Variants in EDA observed in about 807,000 individuals in gnomAD.
EDA encodes the protein ectodysplasin A.
Under a neutral mutation model 23.6 loss-of-function variants are expected in EDA, and 2 were observed. The ratio of observed to expected loss-of-function variants is 0.08; its 90% CI spans 0.03 to 0.27. The LOEUF is 0.27. Ranked by LOEUF, EDA falls within the 10% of genes least tolerant of loss-of-function variation. The pLI is 1.00. For synonymous variants in EDA, 131 were observed against 132.0 expected (o/e 0.99, Z 0.05); for missense variants, 229 against 324.2 (o/e 0.71, Z 2.26).
intron 1 of EDA, among the ~76,000 whole-genome samples, chrX:69,747,450 C>T (rs989358028): frequency 8.9e-6 from 1 of 112,473 alleles, no homozygotes; most frequent in Non-Finnish European, 1.9e-5. Context: ...AAGCCATGTA[C>T]AAGGAATGTG....
chrX:69,828,445 T>A (rs1792713957), intron 1 of EDA, among the ~76,000 whole-genome samples: 1 of 111,980 alleles, frequency 8.9e-6, no homozygotes, highest in African/African-American at 3.2e-5. Context: ...AGTATTCGGG[T>A]GGGAGTGACC....
intron 1 of EDA, among the ~76,000 whole-genome samples, chrX:69,891,847 C>T (rs1476139390): frequency 2.7e-5 from 3 of 110,766 alleles, no homozygotes; most frequent in African/African-American, 9.9e-5. Flanking sequence ...ATGATCTGTG[C>T]AGCAAACCAC....
chrX:70,022,133 A>G (rs1400018446), intron 2 of EDA, among the ~76,000 whole-genome samples: 1 of 106,229 alleles, frequency 9.4e-6, no homozygotes, highest in Non-Finnish European at 2.0e-5. Context: ...CCTAGAAGGG[A>G]AAAAAAAAAT....
intron 1 of EDA, among the ~76,000 whole-genome samples, chrX:69,919,993 T>G (rs1326599243): frequency 9.0e-6 from 1 of 111,198 alleles, no homozygotes; most frequent in East Asian, 2.8e-4. Context: ...GATAAGATTT[T>G]GCATGTCACT....
chrX:69,929,704 TTTTGTGTGTGTGTGTG>T (rs1370938758), intron 1 of EDA, among the ~76,000 whole-genome samples: 5 of 64,394 alleles, frequency 7.8e-5, no homozygotes, highest in South Asian at 1.0e-3. Flanking sequence ...TTCATTCTAT[TTTTGTGTGTGTGTGTG>T]TGTGTGTGTG....
At chrX:70,033,637 T>C (rs2020228940) in intron 7 of EDA, 109 bp downstream of exon 7, 3 of 957,202 alleles carry the variant, frequency 3.1e-6, no homozygotes, top group Non-Finnish European at 2.9e-6. Context: ...GCTAACTTCC[T>C]GCTTTGGGTG....
At chrX:69,632,841 G>C (rs188684568) in intron 1 of EDA, among the ~76,000 whole-genome samples, 1 of 111,537 alleles carries the variant, frequency 9.0e-6, no homozygotes, top group Admixed American at 9.5e-5. Flanking sequence ...TCTTCTCCCC[G>C]CTTACTATCT....
chrX:69,973,175 C>T (rs1188646975), intron 2 of EDA, among the ~76,000 whole-genome samples: 1 of 111,296 alleles, frequency 9.0e-6, no homozygotes, highest in African/African-American at 3.3e-5. Context: ...AAGCTCTTCT[C>T]TTGCCTTCCC....
At chrX:69,945,628 G>T (rs914799967) in intron 1 of EDA, among the ~76,000 whole-genome samples, 5 of 111,302 alleles carry the variant, frequency 4.5e-5, no homozygotes, top group Non-Finnish European at 9.4e-5. Flanking sequence ...TAATGAATAG[G>T]GTATTTTGCT....
At chrX:69,633,909 T>C (rs778934528) in intron 1 of EDA, among the ~76,000 whole-genome samples, 2 of 112,339 alleles carry the variant, frequency 1.8e-5, no homozygotes, top group Non-Finnish European at 3.8e-5. Context: ...CTATGTTAAT[T>C]CTATGTTTAA....
At chrX:69,650,262 G>A (rs780648669) in intron 1 of EDA, among the ~76,000 whole-genome samples, 12 of 112,065 alleles carry the variant, frequency 1.1e-4, no homozygotes, top group African/African-American at 3.2e-4. Flanking sequence ...TTTATGCCAC[G>A]TATGGTATAT....
chrX:69,678,858 A>G (rs1401629912), intron 1 of EDA, among the ~76,000 whole-genome samples: 2 of 85,080 alleles, frequency 2.4e-5, no homozygotes, highest in African/African-American at 9.7e-5. Flanking sequence ...TTCCAACACT[A>G]TGTTGAATAG....
intron 1 of EDA, among the ~76,000 whole-genome samples, chrX:69,759,838 G>A (rs1040994250): frequency 9.1e-6 from 1 of 110,011 alleles, no homozygotes; most frequent in East Asian, 2.9e-4. Flanking sequence ...GAGAGGGCTG[G>A]ATAGTGTGTC....
At chrX:69,996,598 T>G (rs1374885311) in intron 2 of EDA, among the ~76,000 whole-genome samples, 2 of 112,186 alleles carry the variant, frequency 1.8e-5, no homozygotes, top group Non-Finnish European at 3.8e-5. Context: ...CAGTAAATAC[T>G]GAAATTAAAT....
intron 6 of EDA, among the ~76,000 whole-genome samples, chrX:70,032,125 G>A (rs2020207639): frequency 9.0e-6 from 1 of 111,311 alleles, no homozygotes; most frequent in African/African-American, 3.3e-5. Context: ...TGGGCATAGT[G>A]GCACACACCT....
intron 3 of EDA, among the ~76,000 whole-genome samples, chrX:70,027,198 G>A (rs908229362): frequency 2.7e-5 from 3 of 111,784 alleles, no homozygotes; most frequent in African/African-American, 9.8e-5. Flanking sequence ...CCTCCTTTTT[G>A]AAACCTTCTC....
chrX:70,008,464 T>C (rs1247348465), intron 2 of EDA, among the ~76,000 whole-genome samples: 1 of 112,244 alleles, frequency 8.9e-6, no homozygotes, highest in African/African-American at 3.2e-5. Context: ...TTTTGAATGG[T>C]TAACCAGCCT....
At chrX:69,753,371 A>G (rs1173590552) in intron 1 of EDA, among the ~76,000 whole-genome samples, 1 of 111,933 alleles carries the variant, frequency 8.9e-6, no homozygotes, top group Non-Finnish European at 1.9e-5. Flanking sequence ...TTCAGTTTCC[A>G]TGTAGTTGAG....
chrX:70,026,693 C>T (rs1412522455), intron 3 of EDA, among the ~76,000 whole-genome samples: 1 of 111,611 alleles, frequency 9.0e-6, no homozygotes, highest in Non-Finnish European at 1.9e-5. Flanking sequence ...AACATTGGAA[C>T]ATGTTACTAT....
Sources: gnomAD v4.1 joint callset for allele counts (sites outside exome capture counted in the v4.1 genomes callset) on GRCh38, gnomAD v4.1.1 for gene constraint, MANE v1.5 for transcripts, NCBI Gene and HGNC (gene_info 2026-07-23, HGNC 2026-07-21) for gene names.